LRP1B: variants seen among roughly 807,000 people sequenced by gnomAD.
The protein encoded by LRP1B is LDL receptor related protein 1B, also known as low-density lipoprotein receptor-related protein 1B.
A neutral mutation model predicts 556.6 loss-of-function variants in LRP1B; 217 were observed. The ratio of observed to expected loss-of-function variants is 0.39; its 90% CI spans 0.35 to 0.44. The LOEUF (loss-of-function observed/expected upper bound fraction) is 0.44. Ranked by LOEUF, LRP1B falls within the 20% of genes least tolerant of loss-of-function variation. The pLI is 1.00. For missense variants in LRP1B, 5,053 were observed against 5,620.8 expected, an observed-to-expected ratio of 0.90 and a Z score of 3.23; for synonymous variants, 2,047 against 1,865.8, an observed-to-expected ratio of 1.10 and a Z score of -2.50.
intron 5 of LRP1B, among the ~76,000 whole-genome samples, chr2:141,246,808 T>C (rs541843096): frequency 2.6e-5 from 4 of 152,044 alleles, no homozygotes; most frequent in Non-Finnish European, 5.9e-5. Flanking sequence ...CTACTAAAAA[T>C]GCAAAAATTA....
At chr2:141,642,405 C>A (rs767907006) in intron 2 of LRP1B, among the ~76,000 whole-genome samples, 13 of 152,024 alleles carry the variant, frequency 8.6e-5, no homozygotes, top group Non-Finnish European at 1.6e-4. Flanking sequence ...CACAAATTTC[C>A]TATCATATGA....
At chr2:141,961,624 A>T in intron 1 of LRP1B, among the ~76,000 whole-genome samples, 1 of 151,836 alleles carries the variant, frequency 6.6e-6, no homozygotes, top group African/African-American at 2.4e-5. Context: ...TTTTCCATTA[A>T]CCTAAGAATG....
At chr2:140,631,838 A>G (rs1003266888) in intron 41 of LRP1B, among the ~76,000 whole-genome samples, 1 of 152,212 alleles carries the variant, frequency 6.6e-6, no homozygotes, top group African/African-American at 2.4e-5. Flanking sequence ...ATCCACAATA[A>G]GACATATCAT....
At chr2:141,824,959 C>A (rs1397040381) in intron 1 of LRP1B, among the ~76,000 whole-genome samples, 1 of 152,106 alleles carries the variant, frequency 6.6e-6, no homozygotes, top group Non-Finnish European at 1.5e-5. Context: ...TCACAAGATC[C>A]GATGGTTTTT....
At chr2:141,213,774 T>C (rs1248327064) in intron 6 of LRP1B, among the ~76,000 whole-genome samples, 2 of 152,196 alleles carry the variant, frequency 1.3e-5, no homozygotes, top group Admixed American at 6.5e-5. Flanking sequence ...ACTATAAAAA[T>C]AGTTTCTATA....
intron 89 of LRP1B, among the ~76,000 whole-genome samples, 187 bp downstream of exon 89, chr2:140,237,965 C>T (rs1680785009): frequency 6.6e-6 from 1 of 150,782 alleles, no homozygotes; most frequent in South Asian, 2.1e-4. Flanking sequence ...GTGTTACACT[C>T]AGCTTCAGGT....
At chr2:140,925,477 C>T (rs886470395) in intron 20 of LRP1B, among the ~76,000 whole-genome samples, 21 of 152,082 alleles carry the variant, frequency 1.4e-4, no homozygotes, top group Non-Finnish European at 2.9e-4. Context: ...ACTTAACTTT[C>T]GTTGAAAACA....
intron 2 of LRP1B, among the ~76,000 whole-genome samples, chr2:141,797,273 A>G (rs921995688): frequency 1.3e-5 from 2 of 150,076 alleles, no homozygotes; most frequent in African/African-American, 4.9e-5. Context: ...CAGGCAAAAA[A>G]AAATGTATAG....
intron 4 of LRP1B, among the ~76,000 whole-genome samples, chr2:141,253,908 G>A (rs1459032983): frequency 6.6e-5 from 10 of 151,620 alleles, no homozygotes; most frequent in Non-Finnish European, 1.5e-4. Context: ...TTAACTTTGT[G>A]GATATGTTAT....
chr2:141,008,774 G>A (rs1697653619), intron 14 of LRP1B, among the ~76,000 whole-genome samples: 1 of 151,908 alleles, frequency 6.6e-6, no homozygotes, highest in Non-Finnish European at 1.5e-5. Flanking sequence ...AAATAAGTAA[G>A]TGGTGAATGC....
At chr2:141,852,989 A>T (rs1012943856) in intron 1 of LRP1B, among the ~76,000 whole-genome samples, 1 of 151,724 alleles carries the variant, frequency 6.6e-6, no homozygotes, top group Non-Finnish European at 1.5e-5. Flanking sequence ...AAATATATAC[A>T]TTAAAAAAAT....
chr2:140,902,836 A>T (rs2105222061), intron 23 of LRP1B, 84 bp downstream of exon 23: 1 of 1,421,924 alleles, frequency 7.0e-7, no homozygotes. Context: ...GAATCCTTTC[A>T]TTAATTTTCT....
Position 140,759,932 on chromosome 2 carries a change from C to T in LRP1B, c.5758+9281G>A, listed in dbSNP as rs576037941. On this transcript the variant is annotated intron_variant, in intron 35 of 90. Transcript: ENST00000389484. ...ATTTCTTGAAAGAGCTTTTATTAAT[C>T]AAAGAGCTACAGTGCTGAAGAGTCC... Among the ~76,000 whole-genome samples the T allele has an allele frequency of 7.2e-4, 109 of 152,280 alleles. 1 individual carries two copies. The highest frequency in any genetic ancestry group is 6.8e-3 in the Middle Eastern group (2 of 294).
chr2:140,639,281 T>TA (rs1198874105), intron 41 of LRP1B, among the ~76,000 whole-genome samples: 1 of 152,166 alleles, frequency 6.6e-6, no homozygotes, highest in Admixed American at 6.5e-5. Context: ...GATTACTAAT[T>TA]AAAAAAACTA....
rs759059383 is a variant in LRP1B, at chr2:140,352,979, T to C, written c.11624A>G (p.Glu3875Gly). Residue 3875 changes from glutamate (E) to glycine (G), a missense_variant, in exon 76 of 91, where the codon GAA (glutamate) becomes GGA (glycine). Coordinates refer to ENST00000389484, the MANE Select transcript of LRP1B (RefSeq NM_018557.3). ...YKCVCDQNFQ[E>G]RNNTCIAEGS... ...TTCTGCTATGCAGGTGTTATTTCTT[T>C]CTTGAAAATTCTGGTCACACACACA... The C allele has an allele frequency of 6.2e-7, 1 of 1,612,884 alleles. No homozygotes were observed. The highest frequency in any genetic ancestry group is 8.5e-7 in the Non-Finnish European group (1 of 1,179,348).
chr2:141,428,029 C>T (rs775250419), intron 3 of LRP1B, among the ~76,000 whole-genome samples: 4 of 152,128 alleles, frequency 2.6e-5, no homozygotes, highest in Non-Finnish European at 5.9e-5. Context: ...AACAGAAGCC[C>T]TCTGGATGTT....
chr2:140,335,709 T>TA lies in LRP1B; in HGVS notation c.12021dup (p.Ile4008TyrfsTer30). On this transcript the variant is annotated frameshift_variant, in exon 78 of 91. Transcript: ENST00000389484. LOFTEE classifies it high-confidence loss of function. ...GGGCCATTCAGCTGCCCTACGTTGA[T>TA]AGAGTACCTCAGACTGGTCCAGTGA... 2 of 1,612,458 alleles carry TA rather than the reference T, an allele frequency of 1.2e-6. No homozygotes were observed. Among genetic ancestry groups the TA allele is most frequent in the East Asian group, 2.2e-5 (1 of 44,800 alleles).
chr2:141,523,638 C>CT (rs368980544), intron 2 of LRP1B, among the ~76,000 whole-genome samples: 19 of 152,214 alleles, frequency 1.2e-4, no homozygotes, highest in African/African-American at 4.3e-4. Context: ...ATTCCCCTTC[C>CT]TTTTTCTTTA....
intron 2 of LRP1B, among the ~76,000 whole-genome samples, chr2:141,690,405 A>ATC (rs1441962078): frequency 1.6e-5 from 1 of 63,176 alleles, no homozygotes; most frequent in Non-Finnish European, 3.7e-5. Context: ...AAATATATAT[A>ATC]TATATATATA....
Sources: gnomAD v4.1 joint callset for allele counts (sites outside exome capture counted in the v4.1 genomes callset) on GRCh38, gnomAD v4.1.1 for gene constraint, MANE v1.5 for transcripts, NCBI Gene and HGNC (gene_info 2026-07-23, HGNC 2026-07-21) for gene names.